OTUD7B: variants seen among roughly 807,000 people sequenced by gnomAD.
The protein encoded by OTUD7B is OTU domain-containing protein 7B.
A neutral mutation model predicts 82.2 loss-of-function variants in OTUD7B; 34 were observed. That is an observed-to-expected ratio of 0.41 (90% CI 0.31 to 0.55). The LOEUF is 0.55. Among genes scored for constraint, OTUD7B ranks in the 20% least tolerant of loss-of-function variants. The pLI is 0.20. For missense variants in OTUD7B, 944 were observed against 1,062.1 expected (o/e 0.89, Z 1.55); for synonymous variants, 398 against 402.7 (o/e 0.99, Z 0.14).
chr1:149,959,506 T>C (rs1648980807), intron 7 of OTUD7B, among the ~76,000 whole-genome samples, 178 bp downstream of exon 7: 1 of 152,196 alleles, frequency 6.6e-6, no homozygotes, highest in African/African-American at 2.4e-5. Flanking sequence ...TCCAGTTCAA[T>C]ACCGAACTAC....
At chr1:149,982,073 C>T (rs1403127494) in intron 1 of OTUD7B, among the ~76,000 whole-genome samples, 4 of 151,974 alleles carry the variant, frequency 2.6e-5, no homozygotes, top group African/African-American at 7.3e-5. Flanking sequence ...GACGTGAACC[C>T]GGGAGGCGGA....
chr1:149,983,077 G>A (rs1185043229), intron 1 of OTUD7B, among the ~76,000 whole-genome samples: 1 of 151,878 alleles, frequency 6.6e-6, no homozygotes, highest in Non-Finnish European at 1.5e-5. Flanking sequence ...GGATGGTCTC[G>A]ATCTCCTGAC....
At chr1:150,008,541 C>T (rs1437275429) in intron 1 of OTUD7B, among the ~76,000 whole-genome samples, 2 of 152,176 alleles carry the variant, frequency 1.3e-5, no homozygotes, top group Non-Finnish European at 2.9e-5. Context: ...ATAGCCAGCT[C>T]TTGCTTTGGC....
the OTUD7B span, among the ~76,000 whole-genome samples, chr1:150,025,137 A>G: frequency 1.3e-5 from 2 of 151,984 alleles, no homozygotes; most frequent in Non-Finnish European, 2.9e-5. Flanking sequence ...GATAGGTCTC[A>G]GGGGCTGGGC....
chr1:150,009,573 G>A (rs1239994602), intron 1 of OTUD7B, among the ~76,000 whole-genome samples: 5 of 152,204 alleles, frequency 3.3e-5, no homozygotes, highest in Non-Finnish European at 7.3e-5. Context: ...TGAAAAGTTT[G>A]TGGGGAACTT....
At chr1:149,975,379 C>A (rs1650236961) in intron 2 of OTUD7B, among the ~76,000 whole-genome samples, 1 of 152,216 alleles carries the variant, frequency 6.6e-6, no homozygotes, top group South Asian at 2.1e-4. Context: ...ACTCTGAAAC[C>A]AGATTGCCTA....
At position 149,944,634 on chromosome 1, in the gene OTUD7B, C is replaced by A; in HGVS notation, c.1755G>T (p.Gly585=). ...KPPAESVGNG[G]SKYSQEVMQS... is the part of the protein sequence containing the mutation. ...GCATCACCTCCTGGCTATACTTGCT[C>A]CCTCCGTTACCAACAGACTCAGCTG... Residue 585 remains glycine (G), a synonymous_variant, in exon 12 of 12, where the codon GGG becomes GGT. Transcript: ENST00000581312. 1 of 1,613,998 alleles carries A rather than the reference C, an allele frequency of 6.2e-7. No homozygotes were observed. Among genetic ancestry groups the A allele is most frequent in the African/African-American group, 1.3e-5 (1 of 74,992 alleles).
chr1:149,955,425 G>C (rs1312575967), intron 7 of OTUD7B, among the ~76,000 whole-genome samples: 2 of 152,158 alleles, frequency 1.3e-5, no homozygotes, highest in Non-Finnish European at 2.9e-5. Flanking sequence ...TATAATTTCT[G>C]TTCTTTTACA....
intron 1 of OTUD7B, among the ~76,000 whole-genome samples, chr1:150,007,709 CTATTA>C (rs1335545242): frequency 1.3e-5 from 2 of 152,202 alleles, no homozygotes; most frequent in African/African-American, 2.4e-5. Context: ...CAACTCTCTT[CTATTA>C]TATTAAAAAG....
intron 11 of OTUD7B, 47 bp from the exon 12 acceptor site, chr1:149,945,112 G>A (rs1292057038): frequency 6.3e-7 from 1 of 1,575,472 alleles, no homozygotes; most frequent in South Asian, 1.2e-5. Context: ...GCAGCCTGGG[G>A]TGGGGGAATC....
intron 6 of OTUD7B, chr1:149,963,497 A>G (rs1649294482): frequency 6.6e-6 from 1 of 152,106 alleles, no homozygotes. Context: ...ACACGTGTAA[A>G]CATCCAAGAA....
chr1:150,029,368 T>G, the OTUD7B span, among the ~76,000 whole-genome samples: 1 of 152,204 alleles, frequency 6.6e-6, no homozygotes, highest in Non-Finnish European at 1.5e-5. Context: ...CAGCAGGCTA[T>G]GGAACACCAA....
At position 149,971,287 on chromosome 1, in the gene OTUD7B, C is replaced by T. The variant is rs1553777635; in HGVS notation, c.86-36G>A. 2.0e-6 allele frequency: 3 copies of T among 1,503,094 alleles called. No homozygotes were observed. The Admixed American group carries it at 5.1e-5, about 26-fold the overall frequency. The allele number at this position is 1,503,094 out of a possible 1,614,324, so 93.1% of individuals were successfully genotyped here. A position where few individuals can be genotyped will look rare whatever the true frequency, so the allele number is the denominator to read the frequency against. On this transcript the variant is annotated intron_variant, in intron 2 of 11. Transcript: ENST00000581312. ...ACAAAGCAAAAAGCAAACTGTGCAACCATAGTATAGAGACACAAAGATCAC... is the reference window on the plus strand; with the variant it reads ...ACAAAGCAAAAAGCAAACTGTGCAATCATAGTATAGAGACACAAAGATCAC...
the OTUD7B span, among the ~76,000 whole-genome samples, chr1:150,064,341 TTCTTTCTTCTTTTCTCTCTTCTC>T: frequency 6.6e-6 from 1 of 152,234 alleles, no homozygotes; most frequent in Non-Finnish European, 1.5e-5. Context: ...TTCTTTCTCT[TTCTTTCTTCTTTTCTCTCTTCTC>T]TTCTCTTCTC....
chr1:150,013,727 C>G (rs979775386), upstream of OTUD7B, among the ~76,000 whole-genome samples: 1 of 150,610 alleles, frequency 6.6e-6, no homozygotes, highest in Admixed American at 6.6e-5. Flanking sequence ...TTGAGACCAT[C>G]CTGGCTAACC....
At chr1:150,061,133 C>T in the OTUD7B span, among the ~76,000 whole-genome samples, 1 of 152,196 alleles carries the variant, frequency 6.6e-6, no homozygotes, top group African/African-American at 2.4e-5. Flanking sequence ...CTCCAACAAT[C>T]CTCTTGCCTT....
rs782543399 is a variant in OTUD7B at position 149,944,449 on chromosome 1, T to C, written c.1940A>G (p.Glu647Gly). The C allele has an allele frequency of 5.6e-6, 9 of 1,614,146 alleles. No individual in the cohort carries two copies. Among genetic ancestry groups the C allele is most frequent in the Non-Finnish European group, 7.6e-6 (9 of 1,180,032 alleles). The change falls in exon 12 of 12, where the codon GAG becomes GGG. Residue 647 changes from glutamate (E) to glycine (G), a missense_variant. Physicochemically the swap from Glu to Gly is moderately conservative, Grantham distance 98 (BLOSUM62 -2). Around this residue, in one of 3 missense-constraint regions of OTUD7B, gnomAD observed 412 missense variants for 418.7 expected, o/e 0.98. Coordinates refer to ENST00000581312, the MANE Select transcript of OTUD7B (RefSeq NM_020205.4). Reference sequence around the variant, plus strand: ...TCCATTCATGATCTTCCTCTCTGCCTCCTTCTGCTTCTGTTCTGCCAGGAA... The same window carrying C: ...TCCATTCATGATCTTCCTCTCTGCCCCCTTCTGCTTCTGTTCTGCCAGGAA... ...ERFLAEQKQK[E>G]AERKIMNGGI...
intron 3 of OTUD7B, among the ~76,000 whole-genome samples, chr1:149,969,625 A>G (rs1649770681): frequency 6.6e-6 from 1 of 152,222 alleles, no homozygotes; most frequent in Non-Finnish European, 1.5e-5. Flanking sequence ...ATGCATGTAC[A>G]GCTTTTAAAA....
At chr1:149,951,565 G>A (rs587771419) in intron 7 of OTUD7B, among the ~76,000 whole-genome samples, 2 of 152,180 alleles carry the variant, frequency 1.3e-5, no homozygotes, top group South Asian at 4.1e-4. Flanking sequence ...GGACAAATTT[G>A]CTCCTGTCAT....
Sources: gnomAD v4.1 joint callset for allele counts (sites outside exome capture counted in the v4.1 genomes callset) on GRCh38, gnomAD v4.1.1 for gene constraint, gnomAD v4.1.1 regional missense constraint, MANE v1.5 for transcripts, NCBI Gene and HGNC (gene_info 2026-07-23, HGNC 2026-07-21) for gene names.